B4GALNT1: variants seen among roughly 807,000 people sequenced by gnomAD.
B4GALNT1 encodes beta-1,4-N-acetyl-galactosaminyltransferase 1.
Under a neutral mutation model 55.2 loss-of-function variants are expected in B4GALNT1, and 43 were observed. The ratio of observed to expected loss-of-function variants is 0.78; its 90% CI spans 0.61 to 1.00. The LOEUF (loss-of-function observed/expected upper bound fraction) is 1.00. Among genes scored for constraint, B4GALNT1 ranks in the 50% least tolerant of loss-of-function variants. The probability of loss-of-function intolerance (pLI) is 0.00; values close to 1 mark genes in which losing one functional copy is unlikely to be tolerated. For missense variants in B4GALNT1, 664 were observed against 729.7 expected (o/e 0.91, Z 1.04); for synonymous variants, 305 against 311.6 (o/e 0.98, Z 0.22).
At position 57,625,124 on chromosome 12, in the gene B4GALNT1, A is replaced by G. The variant is rs1326278085; in HGVS notation, c.*1620T>C. The G allele has an allele frequency of 6.2e-7, 1 of 1,613,972 alleles. No individual in the cohort carries two copies. The highest frequency in any genetic ancestry group is 8.5e-7 in the Non-Finnish European group (1 of 1,179,958). On this transcript the variant is annotated 3_prime_UTR_variant, in exon 11 of 11. Coordinates refer to ENST00000341156, the MANE Select transcript of B4GALNT1 (RefSeq NM_001478.5). ...GTGACTGCCCTTCTTTACTTATAGG[A>G]GACTTCAAAGCCAGATGGCCCAATG...
At chr12:57,630,033 C>A (rs1015956112) in intron 6 of B4GALNT1, 119 bp downstream of exon 6, 2 of 1,577,612 alleles carry the variant, frequency 1.3e-6, no homozygotes, top group Non-Finnish European at 1.7e-6. Context: ...CATTGTGTGG[C>A]TGGACAGCTC....
At position 57,632,129 on chromosome 12, in the gene B4GALNT1, A is replaced by G. The variant is rs1885262638; in HGVS notation, c.4T>C (p.Trp2Arg). 2 of 1,522,614 alleles carry G rather than the reference A, an allele frequency of 1.3e-6. No homozygotes were observed. Among genetic ancestry groups the G allele is most frequent in the Admixed American group, 4.4e-5 (2 of 45,336 alleles). The allele number at this position is 1,522,614 out of a possible 1,614,324, so 94.3% of individuals were successfully genotyped here. A position where few individuals can be genotyped will look rare whatever the true frequency, so the allele number is the denominator to read the frequency against. Reference sequence around the variant, plus strand: ...GCGCACAGGGCCCGGCGGCCCAGCCACATCCTAGGTGGGGGTAGGGTGGGG... The same window carrying G: ...GCGCACAGGGCCCGGCGGCCCAGCCGCATCCTAGGTGGGGGTAGGGTGGGG... M[W>R]LGRRALCALV... The change falls in exon 2 of 11, where the codon TGG becomes CGG. Residue 2 changes from tryptophan (W) to arginine (R), a missense_variant. By Grantham distance (101) the Trp-to-Arg change is moderately radical. Coordinates refer to ENST00000341156, the MANE Select transcript of B4GALNT1 (RefSeq NM_001478.5).
intron 10 of B4GALNT1, 60 bp from the exon 11 acceptor site, chr12:57,627,021 AG>A: frequency 7.0e-7 from 1 of 1,425,642 alleles, no homozygotes; most frequent in Non-Finnish European, 9.7e-7. Context: ...CCGACTGGTA[AG>A]GGAGAACTCT....
chr12:57,629,704 T>G, intron 6 of B4GALNT1: 1 of 1,316,606 alleles, frequency 7.6e-7, no homozygotes, highest in Non-Finnish European at 9.9e-7. Context: ...GCTGAGAAAA[T>G]AGAAAGTGCA....
In B4GALNT1 at chr12:57,628,260, G is replaced by T; in HGVS notation, c.1005C>A (p.Gly335=). Residue 335 remains glycine (G), a splice_region_variant and synonymous_variant, in exon 9 of 11, where the codon GGC becomes GGA. Coordinates refer to ENST00000341156, the MANE Select transcript of B4GALNT1 (RefSeq NM_001478.5). ...VEHYLMPFGK[G]WFAGRNLAVS... ...CGGCCAGGTTCCGGCCTGCGAACCA[G>T]CCCTGGCAGAAAGGTGTGTGTGGTT... 1 of 1,614,270 alleles carries T rather than the reference G, an allele frequency of 6.2e-7. No homozygotes were observed. The highest frequency in any genetic ancestry group is 8.5e-7 in the Non-Finnish European group (1 of 1,180,048).
chr12:57,627,885 G>C (rs751298588), intron 9 of B4GALNT1, 27 bp from the exon 10 acceptor site: 1 of 1,547,600 alleles, frequency 6.5e-7, no homozygotes, highest in Non-Finnish European at 8.7e-7. Flanking sequence ...GTTGCCTCCA[G>C]GCGGGCCTGG....
At chr12:57,627,049 A>G in intron 10 of B4GALNT1, 88 bp from the exon 11 acceptor site, 1 of 1,168,822 alleles carries the variant, frequency 8.6e-7, no homozygotes, top group Non-Finnish European at 1.2e-6. Flanking sequence ...TAGGGTGTGG[A>G]AAGTGTGTGT....
At chr12:57,631,815 T>G in intron 2 of B4GALNT1, 100 bp downstream of exon 2, 11 of 1,162,422 alleles carry the variant, frequency 9.5e-6, no homozygotes, top group African/African-American at 3.2e-5. Flanking sequence ...ACACAGCCCG[T>G]TAGGAGAATG....
rs745654266 is a variant in B4GALNT1, at chr12:57,628,136, T to TCCGCTCCAGCACGTCCACAAG, written c.1108_1128dup (p.Leu370_Arg376dup). ...CCCTGCCCTACCAGGTCCAGCGGCGTCCGCTCCAGCACGTCCACAAGCCTC... is the reference window on the plus strand; with the variant it reads ...CCCTGCCCTACCAGGTCCAGCGGCGTCCGCTCCAGCACGTCCACAAGCCGCTCCAGCACGTCCACAAGCCTC... On this transcript the variant is annotated inframe_insertion, in exon 9 of 11. Transcript: ENST00000341156. The TCCGCTCCAGCACGTCCACAAG allele has an allele frequency of 7.4e-6, 12 of 1,613,866 alleles. No individual in the cohort carries two copies. Among genetic ancestry groups the TCCGCTCCAGCACGTCCACAAG allele is most frequent in the Non-Finnish European group, 1.7e-6 (2 of 1,180,040 alleles).
rs763526303 is a variant in B4GALNT1, at chr12:57,624,621, G to A, written c.*2123C>T. On this transcript the variant is annotated 3_prime_UTR_variant, in exon 11 of 11. Transcript: ENST00000341156. ...CGCACCCGGAGGTGGGCATAGAGAT[G>A]AGTGGAGTTGAGGTCGGGGCAGGGG... 4.2e-6 allele frequency: 3 copies of A among 710,198 alleles called. No homozygotes were observed. The highest frequency in any genetic ancestry group is 8.0e-6 in the Non-Finnish European group (3 of 375,052). 44.0% of individuals were successfully genotyped at this position (710,198 alleles called of 1,614,324 possible). A position where few individuals can be genotyped will look rare whatever the true frequency, so the allele number is the denominator to read the frequency against.
At chr12:57,631,797 T>C in intron 2 of B4GALNT1, 118 bp downstream of exon 2, 1 of 1,084,054 alleles carries the variant, frequency 9.2e-7, no homozygotes, top group Non-Finnish European at 1.2e-6. Flanking sequence ...CACCTCCCAC[T>C]TCACTCCACA....
At chr12:57,632,167 A>C in intron 1 of B4GALNT1, 34 bp from the exon 2 acceptor site, 3 of 1,333,898 alleles carry the variant, frequency 2.2e-6, no homozygotes, top group Non-Finnish European at 3.1e-6. Flanking sequence ...TGAGAAAGGG[A>C]GGGAAGAAGG....
rs778283744 is a variant in B4GALNT1 at position 57,624,128 on chromosome 12, C to T, written c.*2616G>A. ...GAAATGCCATTACCCCCAGATTGCC[C>T]CCTCTCATCTTGTTAGCATCCCCAG... On this transcript the variant is annotated 3_prime_UTR_variant, in exon 11 of 11. Coordinates refer to ENST00000341156, the MANE Select transcript of B4GALNT1 (RefSeq NM_001478.5). The T allele has an allele frequency of 1.7e-5, 27 of 1,606,910 alleles. No individual in the cohort carries two copies. Among genetic ancestry groups the T allele is most frequent in the Admixed American group, 3.3e-5 (2 of 59,726 alleles).
intron 1 of B4GALNT1, chr12:57,632,384 G>A: frequency 3.1e-6 from 2 of 643,984 alleles, no homozygotes; most frequent in South Asian, 3.4e-5. Flanking sequence ...TCACACACCC[G>A]AGGCCTGGCA....
At chr12:57,631,864 C>T in intron 2 of B4GALNT1, 51 bp downstream of exon 2, 2 of 1,356,010 alleles carry the variant, frequency 1.5e-6, no homozygotes, top group Non-Finnish European at 1.9e-6. Flanking sequence ...ACAAAAGCCC[C>T]CAGACCACCC....
chr12:57,627,115 T>G (rs1884869077), intron 10 of B4GALNT1, among the ~76,000 whole-genome samples, 154 bp from the exon 11 acceptor site: 2 of 152,144 alleles, frequency 1.3e-5, no homozygotes, highest in Admixed American at 1.3e-4. Flanking sequence ...TGGGTCTCAG[T>G]CTTACTCTTG....
At position 57,628,893 on chromosome 12, in the gene B4GALNT1, G is replaced by A. The variant is rs1280525313; in HGVS notation, c.822C>T (p.Asn274=). Residue 274 remains asparagine, a synonymous_variant, in exon 8 of 11, where the codon AAC becomes AAT. Transcript: ENST00000341156. ...PGSLPQGAQY[N]ISALVTIATK... ...TGGCAATCGTGACTAGAGCGCTGAT[G>A]TTGTACTGGGCTGAGATTGGGGGCA... 7.4e-6 allele frequency: 12 copies of A among 1,614,094 alleles called. No individual in the cohort carries two copies. Among genetic ancestry groups the A allele is most frequent in the Non-Finnish European group, 9.3e-6 (11 of 1,180,044 alleles).
rs565966436 is a variant in B4GALNT1 at position 57,626,769 on chromosome 12, C to T, written c.1577G>A (p.Arg526Gln). ...AKHRLLFFKH[R>Q]LQCMTSQ Reference sequence around the variant, plus strand: ...TCACTGGGAGGTCATGCACTGCAGCCGGTGTTTGAAGAAGAGCAGCCGGTG... The same window carrying T: ...TCACTGGGAGGTCATGCACTGCAGCTGGTGTTTGAAGAAGAGCAGCCGGTG... Residue 526 changes from arginine to glutamine, a missense_variant, in exon 11 of 11, where the codon CGG becomes CAG. By Grantham distance (43) the Arg-to-Gln change is conservative. Coordinates refer to ENST00000341156, the MANE Select transcript of B4GALNT1 (RefSeq NM_001478.5). 44 of 1,614,166 alleles carry T rather than the reference C, an allele frequency of 2.7e-5. No individual in the cohort carries two copies. Among genetic ancestry groups the T allele is most frequent in the South Asian group, 2.0e-4 (18 of 91,082 alleles).
chr12:57,626,935 G>A lies in B4GALNT1; in HGVS notation c.1411C>T (p.Leu471Phe). The A allele has an allele frequency of 1.2e-6, 2 of 1,614,116 alleles. No homozygotes were observed. The highest frequency in any genetic ancestry group is 1.7e-6 in the Non-Finnish European group (2 of 1,179,994). The change falls in exon 11 of 11, where the codon CTT (leucine) becomes TTT (phenylalanine). Residue 471 changes from leucine (L) to phenylalanine (F), a missense_variant. By Grantham distance (22) the Leu-to-Phe change is conservative. Coordinates refer to ENST00000341156, the MANE Select transcript of B4GALNT1 (RefSeq NM_001478.5). ...LEFFLDGLGSLRVGSCSDVVV... is the reference protein window; with the variant it reads ...LEFFLDGLGSFRVGSCSDVVV... Reference sequence around the variant, plus strand: ...ACGTCGGAGCAGGAGCCAACCCGAAGGGAACCAAGCCCATCCAAGAAGAAT... The same window carrying A: ...ACGTCGGAGCAGGAGCCAACCCGAAAGGAACCAAGCCCATCCAAGAAGAAT...
Sources: allele counts gnomAD v4.1 joint callset (sites outside exome capture counted in the v4.1 genomes callset), GRCh38; gene constraint gnomAD v4.1.1; transcripts MANE v1.5; gene names NCBI Gene and HGNC (gene_info 2026-07-23, HGNC 2026-07-21).